IGF2BP1: variants seen among roughly 807,000 people sequenced by gnomAD.
IGF2BP1 encodes the protein insulin-like growth factor 2 mRNA-binding protein 1.
A neutral mutation model predicts 74.9 loss-of-function variants in IGF2BP1; 11 were observed. The observed-to-expected ratio is 0.15, with a 90% CI of 0.09 to 0.24. The LOEUF is 0.24. Ranked by LOEUF, IGF2BP1 falls within the 10% of genes least tolerant of loss-of-function variation. The pLI is 1.00. For missense variants in IGF2BP1, 440 were observed against 757.4 expected (o/e 0.58, Z 4.92); for synonymous variants, 287 against 281.8 (o/e 1.02, Z -0.18).
intron 2 of IGF2BP1, among the ~76,000 whole-genome samples, chr17:49,011,930 T>A (rs2041624452): frequency 7.7e-6 from 1 of 130,590 alleles, no homozygotes; most frequent in South Asian, 2.4e-4. Flanking sequence ...TTTTGGGAGA[T>A]AGAGTCTTGC....
chr17:49,001,427 T>C (rs2041486535), intron 2 of IGF2BP1, among the ~76,000 whole-genome samples: 1 of 152,186 alleles, frequency 6.6e-6, no homozygotes. Flanking sequence ...CTAAAATAAT[T>C]CATAAAAACC....
intron 4 of IGF2BP1, among the ~76,000 whole-genome samples, chr17:49,028,859 G>A (rs940559958): frequency 6.6e-6 from 1 of 152,152 alleles, no homozygotes; most frequent in Non-Finnish European, 1.5e-5. Context: ...CCAGGCTGGA[G>A]TGCAGTGGTG....
rs758515933 is a variant in IGF2BP1, at chr17:49,032,010, G to A, written c.401+37G>A. On this transcript the variant is annotated intron_variant, in intron 5 of 14. Transcript: ENST00000290341. ...GGGAAGTGGGGCTGGGTGCGGTGGG[G>A]GGGGGTTCTGTGAAGGGTGGTGTGA... The A allele has an allele frequency of 2.0e-6, 3 of 1,518,686 alleles. No homozygotes were observed. In the East Asian group the frequency reaches 6.8e-5, roughly 34 times the overall value. 94.1% of individuals were successfully genotyped at this position (1,518,686 alleles called of 1,614,324 possible).
intron 14 of IGF2BP1, among the ~76,000 whole-genome samples, chr17:49,048,084 A>G (rs1173522612): frequency 2.0e-5 from 3 of 152,172 alleles, no homozygotes; most frequent in African/African-American, 2.4e-5. Context: ...TCTTCATTCT[A>G]TGAAGTGAAT....
intron 12 of IGF2BP1, among the ~76,000 whole-genome samples, chr17:49,045,511 C>T (rs1297850686): frequency 6.6e-6 from 1 of 152,230 alleles, no homozygotes; most frequent in Non-Finnish European, 1.5e-5. Flanking sequence ...GTCAGACAGG[C>T]CTGCCCTCTG....
intron 14 of IGF2BP1, among the ~76,000 whole-genome samples, chr17:49,048,518 G>A (rs182647638): frequency 2.0e-4 from 31 of 152,204 alleles, no homozygotes; most frequent in Admixed American, 5.9e-4. Context: ...TCCCCAAAGC[G>A]CTAGGATTAC....
chr17:49,055,836 GTTTTTTTT>G lies in IGF2BP1; in HGVS notation c.*6407_*6414del, dbSNP rs59508101. Reference sequence around the variant, plus strand: ...AGCTGGAGGCCTACTGCTTGGGACAGTTTTTTTTTTTTTTTTTTTTTTAAATATGAGTG... The same window carrying G: ...AGCTGGAGGCCTACTGCTTGGGACAGTTTTTTTTTTTTTTAAATATGAGTG... On this transcript the variant is annotated 3_prime_UTR_variant, in exon 15 of 15. Transcript: ENST00000290341. 0.098 allele frequency among the ~76,000 whole-genome samples: 12,291 copies of G among 125,874 alleles called. 605 individuals are homozygous for G. The highest frequency in any genetic ancestry group is 0.12 in the Non-Finnish European group (7,369 of 61,588). The allele number at this position is 125,874 out of a possible 152,430, so 82.6% of individuals were successfully genotyped here. A position where few individuals can be genotyped will look rare whatever the true frequency, so the allele number is the denominator to read the frequency against.
intron 2 of IGF2BP1, among the ~76,000 whole-genome samples, chr17:49,009,417 AATT>A (rs1187637850): frequency 1.3e-5 from 2 of 151,996 alleles, no homozygotes; most frequent in Non-Finnish European, 2.9e-5. Flanking sequence ...TTTTTAAAAA[AATT>A]ATTTTTAGGC....
rs1290756555 is a variant in IGF2BP1 at position 49,038,612 on chromosome 17, AAGGGAGGGCAGAT to A, written c.683+172_683+184del. On this transcript the variant is annotated intron_variant, in intron 6 of 14. Coordinates refer to ENST00000290341, the MANE Select transcript of IGF2BP1 (RefSeq NM_006546.4). ...TGCTTCCAATACCAGCCTCCTGGGAAAGGGAGGGCAGATAGGGAGGGAGAATGGGTCTGGGGTG... is the reference window on the plus strand; with the variant it reads ...TGCTTCCAATACCAGCCTCCTGGGAAAGGGAGGGAGAATGGGTCTGGGGTG... Among the ~76,000 whole-genome samples, 5 of 152,248 alleles carry A rather than the reference AAGGGAGGGCAGAT, an allele frequency of 3.3e-5. No individual in the cohort carries two copies. In the East Asian group the frequency reaches 9.7e-4, roughly 29 times the overall value.
At chr17:49,017,561 G>C (rs1310713403) in intron 2 of IGF2BP1, among the ~76,000 whole-genome samples, 1 of 152,006 alleles carries the variant, frequency 6.6e-6, no homozygotes. Flanking sequence ...GGGTACTTAA[G>C]TTTTAGAAAT....
At chr17:49,016,433 G>T (rs2041703822) in intron 2 of IGF2BP1, among the ~76,000 whole-genome samples, 1 of 152,172 alleles carries the variant, frequency 6.6e-6, no homozygotes, top group African/African-American at 2.4e-5. Context: ...GTGTGTGTGT[G>T]TGGGATCATA....
At chr17:49,044,926 T>A in intron 11 of IGF2BP1, 65 bp from the exon 12 acceptor site, 1 of 1,358,372 alleles carries the variant, frequency 7.4e-7, no homozygotes, top group Non-Finnish European at 1.1e-6. Context: ...GGGAACTGGA[T>A]GAAGTGGACA....
At chr17:49,008,199 TGAA>T (rs2041573858) in intron 2 of IGF2BP1, among the ~76,000 whole-genome samples, 1 of 151,410 alleles carries the variant, frequency 6.6e-6, no homozygotes, top group East Asian at 1.9e-4. Context: ...GTAAATAAAT[TGAA>T]GGGCAAAGAT....
In IGF2BP1 at chr17:49,050,882, A is replaced by G. The variant is rs546184069; in HGVS notation, c.*1438A>G. ...TCTCCTCCTAATATACTGATTGACA[A>G]TGCATATTAGCCAGGTAATGCACTT... On this transcript the variant is annotated 3_prime_UTR_variant, in exon 15 of 15. Coordinates refer to ENST00000290341, the MANE Select transcript of IGF2BP1 (RefSeq NM_006546.4). 7 of 152,748 alleles carry G rather than the reference A, an allele frequency of 4.6e-5. No homozygotes were observed. The highest frequency in any genetic ancestry group is 1.9e-4 in the East Asian group (1 of 5,192). The allele number at this position is 152,748 out of a possible 1,614,324, so 9.5% of individuals were successfully genotyped here.
chr17:49,007,816 G>A (rs2041568569), intron 2 of IGF2BP1, among the ~76,000 whole-genome samples: 1 of 152,140 alleles, frequency 6.6e-6, no homozygotes, highest in Admixed American at 6.5e-5. Flanking sequence ...AGTTGCTTGG[G>A]AGGAGAACTC....
At chr17:49,049,088 T>C (rs945530035) in intron 14 of IGF2BP1, among the ~76,000 whole-genome samples, 2 of 152,106 alleles carry the variant, frequency 1.3e-5, no homozygotes, top group African/African-American at 2.4e-5. Context: ...GATACTACTG[T>C]TTCTCCTTCC....
chr17:49,019,977 TACACCCACAC>T (rs1370560670), intron 2 of IGF2BP1, among the ~76,000 whole-genome samples: 2,433 of 51,550 alleles, frequency 0.047, 152 homozygotes, highest in African/African-American at 0.16. Context: ...CACACACACA[TACACCCACAC>T]ATATATATAC....
intron 2 of IGF2BP1, among the ~76,000 whole-genome samples, chr17:49,019,800 A>G (rs1337290412): frequency 2.0e-5 from 3 of 149,680 alleles, no homozygotes; most frequent in Non-Finnish European, 3.0e-5. Flanking sequence ...CCGGAGTGCA[A>G]TGGTGCCATC....
At chr17:49,000,363 T>G (rs561562358) in intron 2 of IGF2BP1, among the ~76,000 whole-genome samples, 1 of 152,334 alleles carries the variant, frequency 6.6e-6, no homozygotes, top group Non-Finnish European at 1.5e-5. Context: ...TTCAGTTGCT[T>G]AGCTTGATAT....
Sources: gnomAD v4.1 joint callset for allele counts (sites outside exome capture counted in the v4.1 genomes callset) on GRCh38, gnomAD v4.1.1 for gene constraint, MANE v1.5 for transcripts, NCBI Gene and HGNC (gene_info 2026-07-23, HGNC 2026-07-21) for gene names.